Variants in MUC3A observed in about 807,000 individuals in gnomAD.
MUC3A encodes mucin-3A.
A neutral mutation model predicts 109.0 loss-of-function variants in MUC3A; 109 were observed. That is an observed-to-expected ratio of 1.00 (90% confidence interval 0.86 to 1.17). The LOEUF is 1.17. MUC3A is among the 50% of genes most tolerant of loss of function. The probability of loss-of-function intolerance (pLI) is 0.00; values close to 1 mark genes in which losing one functional copy is unlikely to be tolerated. For missense variants in MUC3A, 3,537 were observed against 2,469.4 expected (o/e 1.43, Z -9.16); for synonymous variants, 1,398 against 981.4 (o/e 1.42, Z -7.93).
chr7:100,966,706 C>T lies in MUC3A; in HGVS notation c.9840C>T (p.Gly3280=), dbSNP rs781707254. 35 of 1,598,400 alleles carry T rather than the reference C, an allele frequency of 2.2e-5. No individual in the cohort carries two copies. Among genetic ancestry groups the T allele is most frequent in the Non-Finnish European group, 2.9e-5 (34 of 1,179,808 alleles). Residue 3280 remains glycine, a synonymous_variant, in exon 10 of 12, where the codon GGC becomes GGT. Coordinates refer to ENST00000379458, the MANE Select transcript of MUC3A (RefSeq NM_005960.2). ...WFETWDEEVV[G]TFSNWGFEDD... ...AGACCTGGGATGAGGAAGTCGTGGG[C>T]ACTTTTTCAAACTGGGGTTTCGAGG...
rs1278479369 is a variant in MUC3A at position 100,958,826 on chromosome 7, G to T, written c.7047G>T (p.Glu2349Asp). 5.2e-6 allele frequency: 8 copies of T among 1,529,748 alleles called. No homozygotes were observed. In the Admixed American group the frequency reaches 5.3e-5, roughly 10 times the overall value. 94.8% of individuals were successfully genotyped at this position (1,529,748 alleles called of 1,614,324 possible). Residue 2349 changes from glutamate (E) to aspartate (D), a missense_variant, in exon 2 of 12, where the codon GAG (glutamate) becomes GAT (aspartate). Physicochemically the swap from Glu to Asp is conservative, Grantham distance 45. Transcript: ENST00000379458. ...TCACTTCTTCGATCACCACCACCGAGACCAACTCTCACAGTACTACCAGCT... is the reference window on the plus strand; with the variant it reads ...TCACTTCTTCGATCACCACCACCGATACCAACTCTCACAGTACTACCAGCT... ...RSFTSSITTT[E>D]TNSHSTTSFT...
chr7:100,962,828 TC>T, intron 3 of MUC3A, among the ~76,000 whole-genome samples: 1 of 140,570 alleles, frequency 7.1e-6, no homozygotes, highest in African/African-American at 2.5e-5. Context: ...TTTCTTTCTT[TC>T]TTTCTTTTTC....
intron 1 of MUC3A, among the ~76,000 whole-genome samples, chr7:100,950,555 T>G (rs76116863): frequency 6.6e-6 from 1 of 152,184 alleles, no homozygotes; most frequent in Non-Finnish European, 1.5e-5. Flanking sequence ...ACGAGCTAGG[T>G]TGAGACGTGA....
At chr7:100,949,765 A>T in intron 1 of MUC3A, 80 bp downstream of exon 1, 1 of 894,742 alleles carries the variant, frequency 1.1e-6, no homozygotes, top group Non-Finnish European at 1.4e-6. Context: ...AAGTGGCTGT[A>T]AGGCCTGGGG....
intron 1 of MUC3A, among the ~76,000 whole-genome samples, 187 bp from the exon 2 acceptor site, chr7:100,951,654 A>G (rs1017268994): frequency 3.3e-5 from 5 of 152,250 alleles, no homozygotes; most frequent in African/African-American, 1.2e-4. Flanking sequence ...AGGAGCAGAC[A>G]GGCAGTCGTC....
chr7:100,953,949 A>AG lies in MUC3A; in HGVS notation c.2170_2171insG (p.Thr724SerfsTer50). On this transcript the variant is annotated frameshift_variant, in exon 2 of 12. Transcript: ENST00000379458. LOFTEE classifies it high-confidence loss of function. ...GACTGGTCCTGGTACAAACTCCACGACGGAAATCACCTATCCCACCACTAT... is the reference window on the plus strand; with the variant it reads ...GACTGGTCCTGGTACAAACTCCACGAGCGGAAATCACCTATCCCACCACTAT... 1 of 403,598 alleles carries AG rather than the reference A, an allele frequency of 2.5e-6. No individual in the cohort carries two copies. Among genetic ancestry groups the AG allele is most frequent in the Non-Finnish European group, 4.3e-6 (1 of 235,118 alleles). The allele number at this position is 403,598 out of a possible 1,614,324, so 25.0% of individuals were successfully genotyped here.
chr7:100,963,287 A>ATCTTTTTTTTTTTTTTTTTTTTTTT (rs1792401772), intron 4 of MUC3A, 21 bp downstream of exon 4: 1 of 1,025,972 alleles, frequency 9.7e-7, no homozygotes, highest in Non-Finnish European at 1.3e-6. Context: ...AAGAGAGGGG[A>ATCTTTTTTTTTTTTTTTTTTTTTTT]TTTTTTTTTT....
Position 100,966,635 on chromosome 7 carries a change from G to T in MUC3A, c.9786-17G>T. 6.3e-7 allele frequency: 1 copy of T among 1,598,486 alleles called. No individual in the cohort carries two copies. Among genetic ancestry groups the T allele is most frequent in the South Asian group, 1.1e-5 (1 of 91,090 alleles). On this transcript the variant is annotated splice_polypyrimidine_tract_variant and intron_variant, in intron 9 of 11. Transcript: ENST00000379458. The stretch of plus-strand genomic sequence containing the variant: ...AGGCGGGCCGGCTCTGTCTGACCGC[G>T]CGGCGGCCCCACCTAGGTCCTGGGA...
At chr7:100,966,228 C>G (rs1233277296) in intron 8 of MUC3A, 158 bp from the exon 9 acceptor site, 2 of 427,580 alleles carry the variant, frequency 4.7e-6, no homozygotes, top group Non-Finnish European at 6.2e-6. Flanking sequence ...GCCCCGGCCC[C>G]TCGTTCTAGG....
chr7:100,957,698 C>G lies in MUC3A; in HGVS notation c.5919C>G (p.Pro1973=). The G allele has an allele frequency of 7.4e-7, 1 of 1,348,076 alleles. No homozygotes were observed. Among genetic ancestry groups the G allele is most frequent in the Non-Finnish European group, 1.0e-6 (1 of 993,102 alleles). The allele number at this position is 1,348,076 out of a possible 1,614,324, so 83.5% of individuals were successfully genotyped here. ...CCGAGACCACATCCCACAATACTCC[C>G]AGCCTCACTTCTTCAATCACCACCA... ...TTTETTSHNT[P]SLTSSITTTK... is the part of the protein sequence containing the mutation. The change falls in exon 2 of 12, where the codon CCC becomes CCG. Residue 1973 remains proline (P), a synonymous_variant. Transcript: ENST00000379458.
In MUC3A at chr7:100,966,543, G is replaced by C; in HGVS notation, c.9769G>C (p.Gly3257Arg). 2.2e-6 allele frequency: 3 copies of C among 1,392,842 alleles called. No homozygotes were observed. Among genetic ancestry groups the C allele is most frequent in the Non-Finnish European group, 2.8e-6 (3 of 1,085,430 alleles). The allele number at this position is 1,392,842 out of a possible 1,614,324, so 86.3% of individuals were successfully genotyped here. ...VRAVRSGWWGGQRRGRSWDQD... is the reference protein window; with the variant it reads ...VRAVRSGWWGRQRRGRSWDQD... ...GGCGGTGCGCTCCGGATGGTGGGGC[G>C]GCCAGCGCCGAGGCCGGTGAGCGTG... The change falls in exon 9 of 12, where the codon GGC becomes CGC. Residue 3257 changes from glycine (G) to arginine (R), a missense_variant. By Grantham distance (125) the Gly-to-Arg change is moderately radical. Coordinates refer to ENST00000379458, the MANE Select transcript of MUC3A (RefSeq NM_005960.2).
In MUC3A at chr7:100,966,693, A is replaced by G; in HGVS notation, c.9827A>G (p.Glu3276Gly). Residue 3276 changes from glutamate (E) to glycine (G), a missense_variant, in exon 10 of 12, where the codon GAG becomes GGG. Coordinates refer to ENST00000379458, the MANE Select transcript of MUC3A (RefSeq NM_005960.2). Reference protein sequence around the residue: ...QDRKWFETWDEEVVGTFSNWG... With the variant: ...QDRKWFETWDGEVVGTFSNWG... ...AGGAAATGGTTCGAGACCTGGGATG[A>G]GGAAGTCGTGGGCACTTTTTCAAAC... The G allele has an allele frequency of 1.3e-6, 2 of 1,598,556 alleles. No individual in the cohort carries two copies. Among genetic ancestry groups the G allele is most frequent in the Non-Finnish European group, 1.7e-6 (2 of 1,179,832 alleles).
rs1792145530 is a variant in MUC3A at position 100,957,927 on chromosome 7, G to A, written c.6148G>A (p.Glu2050Lys). The A allele has an allele frequency of 4.4e-5, 18 of 408,588 alleles. No individual in the cohort carries two copies. The highest frequency in any genetic ancestry group is 1.7e-4 in the African/African-American group (2 of 11,886). The allele number at this position is 408,588 out of a possible 1,614,324, so 25.3% of individuals were successfully genotyped here. Residue 2050 changes from glutamate to lysine, a missense_variant, in exon 2 of 12, where the codon GAG becomes AAG. Coordinates refer to ENST00000379458, the MANE Select transcript of MUC3A (RefSeq NM_005960.2). ...TPSFTSSITT[E>K]TTSHSTPSFT... The stretch of plus-strand genomic sequence containing the variant: ...CAGCTTCACTTCTTCGATCACCACC[G>A]AGACCACATCCCACAGTACTCCCAG...
chr7:100,959,603 G>T lies in MUC3A; in HGVS notation c.7824G>T (p.Thr2608=), dbSNP rs751351544. The T allele has an allele frequency of 7.5e-6, 12 of 1,597,612 alleles. No individual in the cohort carries two copies. In the Admixed American group the frequency reaches 1.5e-4, roughly 20 times the overall value. The change falls in exon 2 of 12, where the codon ACG becomes ACT. Residue 2608 remains threonine (T), a synonymous_variant. Transcript: ENST00000379458. The stretch of plus-strand genomic sequence containing the variant: ...CCTTTGGAAGTACGGATTCCTCCAC[G>T]TCCACTCTTCATACTCTTACTCCAT... ...TVTFGSTDSS[T]STLHTLTPST... is the part of the protein sequence containing the mutation.
At chr7:100,966,151 C>G (rs1177422153) in intron 8 of MUC3A, 1 of 517,360 alleles carries the variant, frequency 1.9e-6, no homozygotes, top group Non-Finnish European at 3.1e-6. Flanking sequence ...ACCCCGCCCC[C>G]TCCTTCTAGG....
At chr7:100,949,794 C>A (rs1240438171) in intron 1 of MUC3A, 109 bp downstream of exon 1, 38 of 1,079,138 alleles carry the variant, frequency 3.5e-5, no homozygotes, top group Non-Finnish European at 1.3e-5. Context: ...TAAGAAGGCA[C>A]CGCTTGGGGC....
Position 100,958,595 on chromosome 7 carries a change from C to G in MUC3A, c.6816C>G (p.Ser2272Arg). 41 of 1,439,996 alleles carry G rather than the reference C, an allele frequency of 2.8e-5. No homozygotes were observed. The highest frequency in any genetic ancestry group is 1.7e-4 in the Middle Eastern group (1 of 5,758). 89.2% of individuals were successfully genotyped at this position (1,439,996 alleles called of 1,614,324 possible). The change falls in exon 2 of 12, where the codon AGC (serine) becomes AGG (arginine). Residue 2272 changes from serine (S) to arginine (R), a missense_variant. Coordinates refer to ENST00000379458, the MANE Select transcript of MUC3A (RefSeq NM_005960.2). ...AGACCACCTCACATGATACTCCCAG[C>G]TTCACTTCTTCAATCACCACCAGTG... ...TTETTSHDTP[S>R]FTSSITTSET...
chr7:100,950,258 G>T (rs1791897063), intron 1 of MUC3A, among the ~76,000 whole-genome samples: 1 of 152,294 alleles, frequency 6.6e-6, no homozygotes, highest in South Asian at 2.1e-4. Context: ...TTGGTACCAG[G>T]GCCGGGGCAG....
In MUC3A at chr7:100,957,716, C is replaced by A; in HGVS notation, c.5937C>A (p.Ile1979=). ...SHNTPSLTSS[I]TTTKTTSHST... is the part of the protein sequence containing the mutation. The stretch of plus-strand genomic sequence containing the variant: ...ATACTCCCAGCCTCACTTCTTCAAT[C>A]ACCACCACCAAGACCACCTCACACA... Residue 1979 remains isoleucine (I), a synonymous_variant, in exon 2 of 12, where the codon ATC becomes ATA. Transcript: ENST00000379458. The A allele has an allele frequency of 7.3e-7, 1 of 1,379,200 alleles. No homozygotes were observed. 85.4% of individuals were successfully genotyped at this position (1,379,200 alleles called of 1,614,324 possible).
Sources: gnomAD v4.1 joint callset for allele counts (sites outside exome capture counted in the v4.1 genomes callset) on GRCh38, gnomAD v4.1.1 for gene constraint, MANE v1.5 for transcripts, NCBI Gene and HGNC (gene_info 2026-07-23, HGNC 2026-07-21) for gene names.